The following SNX27 variants were observed in gnomAD, a reference collection of about 807,000 sequenced individuals.
SNX27 encodes the protein sorting nexin-27.
SNX27 carries 22 observed loss-of-function variants against 71.6 expected under a neutral mutation model. The observed-to-expected ratio is 0.31, with a 90% CI of 0.22 to 0.44. SNX27 has a LOEUF of 0.44. Ranked by LOEUF, SNX27 falls within the 20% of genes least tolerant of loss-of-function variation. The probability of loss-of-function intolerance (pLI) is 1.00; values close to 1 mark genes in which losing one functional copy is unlikely to be tolerated. For synonymous variants in SNX27, 269 were observed against 277.2 expected, an observed-to-expected ratio of 0.97 and a Z score of 0.29; for missense variants, 531 against 698.6, an observed-to-expected ratio of 0.76 and a Z score of 2.70.
chr1:151,642,862 G>T (rs1219726931), intron 2 of SNX27, among the ~76,000 whole-genome samples: 1 of 152,024 alleles, frequency 6.6e-6, no homozygotes, highest in African/African-American at 2.4e-5. Flanking sequence ...GGATGGTCTC[G>T]ATCTCCTGAC....
chr1:151,662,150 A>G lies in SNX27; in HGVS notation c.802-16A>G, dbSNP rs370297492. On this transcript the variant is annotated splice_polypyrimidine_tract_variant and intron_variant, in intron 4 of 11. Transcript: ENST00000458013. The stretch of plus-strand genomic sequence containing the variant: ...ATACTGGGCCATAAATTATTTCTCT[A>G]TGTCTTTTCCCCCAGAACTACAATG... The G allele has an allele frequency of 5.2e-5, 83 of 1,587,956 alleles. No homozygotes were observed. Among genetic ancestry groups the G allele is most frequent in the Middle Eastern group, 3.3e-4 (2 of 6,026 alleles).
intron 1 of SNX27, among the ~76,000 whole-genome samples, chr1:151,619,011 CAA>C (rs35003953): frequency 1.4e-4 from 20 of 139,836 alleles, no homozygotes; most frequent in African/African-American, 2.4e-4. Context: ...AATATATATG[CAA>C]AAAAAAAAAA....
At chr1:151,672,301 A>G (rs1166783054) in intron 7 of SNX27, among the ~76,000 whole-genome samples, 1 of 152,066 alleles carries the variant, frequency 6.6e-6, no homozygotes. Context: ...TGTCACATTG[A>G]TTGATTTGTG....
At chr1:151,648,119 A>G (rs112459023) in intron 2 of SNX27, among the ~76,000 whole-genome samples, 3,532 of 152,082 alleles carry the variant, frequency 0.023, 130 homozygotes, top group African/African-American at 0.079. Context: ...CAGTAGTGCA[A>G]TCTTGGCACC....
chr1:151,694,446 A>AC lies in SNX27; in HGVS notation c.*34dup. 3 of 1,538,548 alleles carry AC rather than the reference A, an allele frequency of 1.9e-6. No individual in the cohort carries two copies. Among genetic ancestry groups the AC allele is most frequent in the Non-Finnish European group, 2.6e-6 (3 of 1,139,840 alleles). On this transcript the variant is annotated 3_prime_UTR_variant, in exon 12 of 12. Coordinates refer to ENST00000458013, the MANE Select transcript of SNX27 (RefSeq NM_001330723.2). ...TTCCTTATCCCCTTCCCTTCCCTTC[A>AC]CCCCCATCCTCTTACTCCTTTCATG... is the stretch of plus-strand genomic sequence containing the variant.
chr1:151,670,294 C>T (rs971817888), intron 7 of SNX27, among the ~76,000 whole-genome samples: 14 of 152,132 alleles, frequency 9.2e-5, no homozygotes, highest in African/African-American at 3.1e-4. Flanking sequence ...TCCATTCATC[C>T]GTTGATGGAT....
intron 1 of SNX27, among the ~76,000 whole-genome samples, chr1:151,616,113 A>G (rs970352029): frequency 6.6e-6 from 1 of 152,216 alleles, no homozygotes; most frequent in East Asian, 1.9e-4. Context: ...AGTGTAACAT[A>G]TACTGAGTGT....
intron 8 of SNX27, among the ~76,000 whole-genome samples, chr1:151,686,842 T>C (rs749261059): frequency 1.3e-5 from 2 of 152,244 alleles, no homozygotes; most frequent in Non-Finnish European, 2.9e-5. Context: ...TTCTCAGTTT[T>C]AGTTTCTTTT....
intron 2 of SNX27, among the ~76,000 whole-genome samples, chr1:151,646,969 T>C (rs1669076456): frequency 6.6e-6 from 1 of 151,904 alleles, no homozygotes; most frequent in Admixed American, 6.6e-5. Flanking sequence ...CGCCATCCTT[T>C]GTGCTATTGT....
Position 151,620,672 on chromosome 1 carries a change from CTG to C in SNX27, c.311+8162_311+8163del, listed in dbSNP as rs575517409. On this transcript the variant is annotated intron_variant, in intron 1 of 11. Transcript: ENST00000458013. ...GTTCTAGCTCTACTTTCCTCCAAGTCTGTTCCTCTGATTTGAAGATGCTTTTT... is the reference window on the plus strand; with the variant it reads ...GTTCTAGCTCTACTTTCCTCCAAGTCTTCCTCTGATTTGAAGATGCTTTTT... Among the ~76,000 whole-genome samples, 10 of 147,458 alleles carry C rather than the reference CTG, an allele frequency of 6.8e-5. No homozygotes were observed. In the East Asian group the frequency reaches 2.0e-3, roughly 29 times the overall value.
intron 7 of SNX27, chr1:151,669,445 T>TC (rs1670360368): frequency 6.6e-6 from 1 of 152,338 alleles, no homozygotes; most frequent in South Asian, 2.1e-4. Context: ...TTACAATTAA[T>TC]TTAGCTCCAT....
Position 151,659,049 on chromosome 1 carries a change from A to G in SNX27, c.736+622A>G, listed in dbSNP as rs183805583. Among the ~76,000 whole-genome samples the G allele has an allele frequency of 7.5e-4, 115 of 152,320 alleles. 2 individuals are homozygous for G. The East Asian group carries it at 0.015, about 19-fold the overall frequency. ...GAATTGATTTGGGAACTAAGTGGGC[A>G]ATATTAAGACATTTTAAATATTTAA... On this transcript the variant is annotated intron_variant, in intron 3 of 11. Coordinates refer to ENST00000458013, the MANE Select transcript of SNX27 (RefSeq NM_001330723.2).
In SNX27 at chr1:151,625,279, G is replaced by GTA. The variant is rs1390676332; in HGVS notation, c.311+12767_311+12768insTA. Among the ~76,000 whole-genome samples, 946 of 152,260 alleles carry GTA rather than the reference G, an allele frequency of 6.2e-3. 11 individuals carry two copies. The highest frequency in any genetic ancestry group is 0.021 in the African/African-American group (879 of 41,540). ...CCCAGTACTTTGGGAGGCCGAAGCG[G>GTA]CAGATCACTTGAGGTCAGGGGTTCG... On this transcript the variant is annotated intron_variant, in intron 1 of 11. Coordinates refer to ENST00000458013, the MANE Select transcript of SNX27 (RefSeq NM_001330723.2).
intron 2 of SNX27, among the ~76,000 whole-genome samples, chr1:151,649,890 ATTATT>A (rs1448515643): frequency 6.6e-6 from 1 of 151,632 alleles, no homozygotes; most frequent in African/African-American, 2.4e-5. Flanking sequence ...ATTTTATTTT[ATTATT>A]TTATTTTTTT....
intron 2 of SNX27, among the ~76,000 whole-genome samples, chr1:151,648,832 A>C (rs1052617774): frequency 3.3e-5 from 5 of 152,166 alleles, no homozygotes; most frequent in Admixed American, 3.3e-4. Context: ...TTAATAGTGC[A>C]GGTCTGTTGG....
intron 5 of SNX27, among the ~76,000 whole-genome samples, chr1:151,665,007 T>C (rs984372845): frequency 6.6e-6 from 1 of 152,200 alleles, no homozygotes; most frequent in African/African-American, 2.4e-5. Flanking sequence ...ACATAATGGA[T>C]GAACCTAGGC....
At chr1:151,656,946 G>A (rs1040261460) in intron 2 of SNX27, among the ~76,000 whole-genome samples, 1 of 151,948 alleles carries the variant, frequency 6.6e-6, no homozygotes, top group Non-Finnish European at 1.5e-5. Flanking sequence ...AAAATTTAAG[G>A]ATTATATATA....
In SNX27 at chr1:151,662,236, T is replaced by A. The variant is rs765915388; in HGVS notation, c.872T>A (p.Val291Asp). 6.8e-6 allele frequency: 11 copies of A among 1,613,412 alleles called. 1 individual carries two copies. The highest frequency in any genetic ancestry group is 9.3e-6 in the Non-Finnish European group (11 of 1,179,512). Reference sequence around the variant, plus strand: ...GATGGAACAACGGTTACAGTCAGGGTTAAAAAGAACAGTACTACAGACCAA... The same window carrying A: ...GATGGAACAACGGTTACAGTCAGGGATAAAAAGAACAGTACTACAGACCAA... ...LPDGTTVTVR[V>D]KKNSTTDQVY... Residue 291 changes from valine (V) to aspartate (D), a missense_variant, in exon 5 of 12, where the codon GTT (valine) becomes GAT (aspartate). Coordinates refer to ENST00000458013, the MANE Select transcript of SNX27 (RefSeq NM_001330723.2).
rs1200549478 is a variant in SNX27, at chr1:151,638,884, T to G, written c.312-4T>G. On this transcript the variant is annotated splice_polypyrimidine_tract_variant and splice_region_variant and intron_variant, in intron 1 of 11. Transcript: ENST00000458013. ...GGATTGTCTTTTTCCCTTTTTCCCCTTAGGAACCACGTGAATGTTGAGGGG... is the reference window on the plus strand; with the variant it reads ...GGATTGTCTTTTTCCCTTTTTCCCCGTAGGAACCACGTGAATGTTGAGGGG... The G allele has an allele frequency of 6.8e-6, 11 of 1,614,098 alleles. No individual in the cohort carries two copies. Among genetic ancestry groups the G allele is most frequent in the South Asian group, 2.2e-5 (2 of 91,078 alleles).
Sources: allele counts gnomAD v4.1 joint callset (sites outside exome capture counted in the v4.1 genomes callset), GRCh38; gene constraint gnomAD v4.1.1; transcripts MANE v1.5; gene names NCBI Gene and HGNC (gene_info 2026-07-23, HGNC 2026-07-21).